SEMA3C: variants seen among roughly 807,000 people sequenced by gnomAD.
SEMA3C encodes the protein semaphorin 3C.
In SEMA3C, 47 loss-of-function variants were observed where a neutral mutation model predicts 89.4. The observed-to-expected ratio is 0.53, with a 90% CI of 0.42 to 0.67. The LOEUF (loss-of-function observed/expected upper bound fraction) is 0.67. Ranked by LOEUF, SEMA3C falls within the 30% of genes least tolerant of loss-of-function variation. The pLI is 0.00. For missense variants in SEMA3C, 839 were observed against 929.1 expected (o/e 0.90, Z 1.26); for synonymous variants, 310 against 320.2 (o/e 0.97, Z 0.34).
At chr7:80,905,593 AT>A (rs1791995398) in intron 2 of SEMA3C, among the ~76,000 whole-genome samples, 1 of 152,166 alleles carries the variant, frequency 6.6e-6, no homozygotes, top group South Asian at 2.1e-4. Context: ...CAATAAGCTC[AT>A]CCCGGGCATT....
At chr7:80,899,095 C>T (rs1271761317) in intron 2 of SEMA3C, among the ~76,000 whole-genome samples, 2 of 152,172 alleles carry the variant, frequency 1.3e-5, no homozygotes, top group Non-Finnish European at 2.9e-5. Flanking sequence ...GGCTGAAGTG[C>T]AGTGGCATGA....
upstream of SEMA3C, chr7:80,922,375 C>T (rs893823619): frequency 1.7e-4 from 182 of 1,050,724 alleles, no homozygotes; most frequent in Non-Finnish European, 2.3e-4. Flanking sequence ...TGGAAAGTCT[C>T]AACTTCCAAT....
chr7:80,855,698 A>G (rs1790621354), intron 2 of SEMA3C, among the ~76,000 whole-genome samples: 1 of 152,178 alleles, frequency 6.6e-6, no homozygotes, highest in Non-Finnish European at 1.5e-5. Context: ...TCTGAATCTC[A>G]AGGCTGGATG....
chr7:80,883,965 C>T (rs182123398), intron 2 of SEMA3C, among the ~76,000 whole-genome samples: 5 of 152,258 alleles, frequency 3.3e-5, no homozygotes, highest in East Asian at 3.9e-4. Context: ...TCCAAGAGGT[C>T]GTTTCCTAAC....
chr7:80,902,829 G>A (rs144080427), intron 2 of SEMA3C, among the ~76,000 whole-genome samples: 1 of 152,198 alleles, frequency 6.6e-6, no homozygotes, highest in Non-Finnish European at 1.5e-5. Flanking sequence ...GTGTTGTTGA[G>A]TATACCAAAA....
At chr7:80,769,436 T>C (rs1383489256) in intron 12 of SEMA3C, among the ~76,000 whole-genome samples, 2 of 152,172 alleles carry the variant, frequency 1.3e-5, no homozygotes, top group Non-Finnish European at 2.9e-5. Flanking sequence ...TTCCCCAATG[T>C]TTTCACTTAC....
At chr7:80,908,584 A>C (rs1006051289) in intron 2 of SEMA3C, among the ~76,000 whole-genome samples, 1 of 152,170 alleles carries the variant, frequency 6.6e-6, no homozygotes, top group African/African-American at 2.4e-5. Context: ...GAGCAAATTT[A>C]GGTACTTATC....
At chr7:80,832,782 CG>C (rs1385964768) in intron 2 of SEMA3C, among the ~76,000 whole-genome samples, 3 of 152,018 alleles carry the variant, frequency 2.0e-5, no homozygotes, top group Non-Finnish European at 4.4e-5. Context: ...CTGAATTAAC[CG>C]GAACTCCATT....
intron 13 of SEMA3C, 41 bp downstream of exon 13, chr7:80,765,114 C>A: frequency 1.5e-6 from 2 of 1,348,740 alleles, no homozygotes; most frequent in Non-Finnish European, 2.1e-6. Context: ...GAATTCCACT[C>A]ATCATGCATG....
intron 2 of SEMA3C, among the ~76,000 whole-genome samples, chr7:80,867,379 G>A (rs1414526550): frequency 6.6e-6 from 1 of 152,046 alleles, no homozygotes; most frequent in African/African-American, 2.4e-5. Context: ...GGGATTACAG[G>A]CATGAGCCAC....
intron 2 of SEMA3C, among the ~76,000 whole-genome samples, chr7:80,899,938 T>C (rs572211427): frequency 6.4e-4 from 97 of 152,304 alleles, no homozygotes; most frequent in Non-Finnish European, 1.0e-3. Flanking sequence ...ATTCTAGTTA[T>C]CTTTTAAAAT....
chr7:80,853,403 T>C (rs1790562837), intron 2 of SEMA3C, among the ~76,000 whole-genome samples: 1 of 152,180 alleles, frequency 6.6e-6, no homozygotes, highest in Admixed American at 6.5e-5. Flanking sequence ...AAAGAAAATG[T>C]GGTACATATA....
At chr7:80,840,300 A>G (rs1254098619) in intron 2 of SEMA3C, among the ~76,000 whole-genome samples, 13 of 151,998 alleles carry the variant, frequency 8.6e-5, no homozygotes, top group African/African-American at 2.9e-4. Flanking sequence ...CGGGTGAATC[A>G]CTTGACCCCA....
At chr7:80,834,145 CA>C (rs1318929359) in intron 2 of SEMA3C, among the ~76,000 whole-genome samples, 1 of 151,970 alleles carries the variant, frequency 6.6e-6, no homozygotes, top group Non-Finnish European at 1.5e-5. Flanking sequence ...GCAGTGGCTC[CA>C]CAAAGGGCAG....
intron 2 of SEMA3C, among the ~76,000 whole-genome samples, chr7:80,861,769 C>A (rs1790777329): frequency 6.6e-6 from 1 of 152,196 alleles, no homozygotes; most frequent in South Asian, 2.1e-4. Flanking sequence ...TGATTTAACA[C>A]ATGCAAGTCT....
intron 10 of SEMA3C, among the ~76,000 whole-genome samples, chr7:80,799,321 G>A (rs1789141855): frequency 6.6e-6 from 1 of 151,800 alleles, no homozygotes; most frequent in Non-Finnish European, 1.5e-5. Flanking sequence ...TTAGATTTTT[G>A]CTTTGTAGTT....
At chr7:80,802,868 G>T (rs1789242866) in intron 8 of SEMA3C, 89 bp from the exon 9 acceptor site, 2 of 833,102 alleles carry the variant, frequency 2.4e-6, no homozygotes, top group East Asian at 2.6e-5. Context: ...TTGCTTGGAG[G>T]ATGAAAATCT....
At chr7:80,851,580 C>A (rs1790514896) in intron 2 of SEMA3C, among the ~76,000 whole-genome samples, 1 of 146,430 alleles carries the variant, frequency 6.8e-6, no homozygotes, top group South Asian at 2.2e-4. Context: ...TTCATGGGGC[C>A]ATTACTTAGC....
At chr7:80,810,017 T>C (rs1789430942) in intron 6 of SEMA3C, among the ~76,000 whole-genome samples, 2 of 152,160 alleles carry the variant, frequency 1.3e-5, no homozygotes, top group Non-Finnish European at 1.5e-5. Context: ...TGATCTACTA[T>C]ACTGCACAGT....
Sources: allele counts gnomAD v4.1 joint callset (sites outside exome capture counted in the v4.1 genomes callset), GRCh38; gene constraint gnomAD v4.1.1; transcripts MANE v1.5; gene names NCBI Gene and HGNC (gene_info 2026-07-23, HGNC 2026-07-21).